NINL: variants seen among roughly 807,000 people sequenced by gnomAD.
NINL encodes the protein ninein like.
Under a neutral mutation model 160.3 loss-of-function variants are expected in NINL, and 153 were observed. That is an observed-to-expected ratio of 0.95 (90% confidence interval 0.84 to 1.09). The LOEUF is 1.09. Ranked by LOEUF, NINL falls within the 50% of genes least tolerant of loss-of-function variation. NINL has a pLI of 0.00. For missense variants in NINL, 1,829 were observed against 1,764.0 expected, an observed-to-expected ratio of 1.04 and a Z score of -0.66; for synonymous variants, 800 against 734.8, an observed-to-expected ratio of 1.09 and a Z score of -1.43.
Position 25,489,279 on chromosome 20 carries a change from C to G in NINL, c.1642G>C (p.Ala548Pro). 1 of 1,614,120 alleles carries G rather than the reference C, an allele frequency of 6.2e-7. No individual in the cohort carries two copies. ...AGCTCGTATTCCTTCAGGACTGCTG[C>G]GAACCGCTCCTCCTGGGCCAGGAGC... Reference protein sequence around the residue: ...AELLAQEERFAAVLKEYELKC... With the variant: ...AELLAQEERFPAVLKEYELKC... Residue 548 changes from alanine (A) to proline (P), a missense_variant, in exon 13 of 24, where the codon GCA becomes CCA. Ala to Pro is a conservative substitution (Grantham distance 27). Transcript: ENST00000278886.
At chr20:25,540,541 G>A (rs1414532261) in intron 1 of NINL, among the ~76,000 whole-genome samples, 1 of 152,180 alleles carries the variant, frequency 6.6e-6, no homozygotes, top group Non-Finnish European at 1.5e-5. Context: ...TGACCACTCG[G>A]AGGCAGCCTA....
chr20:25,466,603 C>G (rs537197025), intron 19 of NINL, among the ~76,000 whole-genome samples: 1 of 151,926 alleles, frequency 6.6e-6, no homozygotes, highest in South Asian at 2.1e-4. Context: ...AGTTCGAGAC[C>G]GGCCTGGCCA....
chr20:25,585,204 T>G (rs1464392515), intron 1 of NINL, among the ~76,000 whole-genome samples: 1 of 151,664 alleles, frequency 6.6e-6, no homozygotes, highest in Non-Finnish European at 1.5e-5. Context: ...GGAAACCGGG[T>G]TTTCAAGCGT....
At position 25,498,225 on chromosome 20, in the gene NINL, TC is replaced by T. The variant is rs2063798048; in HGVS notation, c.1153del (p.Glu385SerfsTer2). ...GGCCTCTTACTGCTGGTAGCTCAGC[TC>T]CTGGTGGTAGCAGGCCAGGGCTGCC... ...QQAALACYHQ[E>X]LSYQQGQVEQ... On this transcript the variant is annotated frameshift_variant, in exon 9 of 24. Transcript: ENST00000278886. LOFTEE classifies it high-confidence loss of function. 1 of 1,612,896 alleles carries T rather than the reference TC, an allele frequency of 6.2e-7. No individual in the cohort carries two copies. Among genetic ancestry groups the T allele is most frequent in the South Asian group, 1.1e-5 (1 of 91,012 alleles).
rs77845770 is a variant in NINL at position 25,491,001 on chromosome 20, T to C, written c.1485+350A>G. Among the ~76,000 whole-genome samples the C allele has an allele frequency of 3.0e-3, 460 of 152,048 alleles. 1 individual carries two copies. The highest frequency in any genetic ancestry group is 5.0e-3 in the Non-Finnish European group (337 of 67,842). ...AGCCAGCCTCGGGCAGGCTGGGCTT[T>C]AGGTTCTGGTCTCTTTGCTGCCCCC... On this transcript the variant is annotated intron_variant, in intron 11 of 23. Coordinates refer to ENST00000278886, the MANE Select transcript of NINL (RefSeq NM_025176.6).
At chr20:25,518,865 A>T (rs1054003639) in intron 2 of NINL, among the ~76,000 whole-genome samples, 3 of 151,942 alleles carry the variant, frequency 2.0e-5, no homozygotes, top group Non-Finnish European at 2.9e-5. Flanking sequence ...TGGGAGGCCG[A>T]GGCAGGTGGA....
chr20:25,545,586 G>A (rs2147073444), intron 1 of NINL, among the ~76,000 whole-genome samples: 1 of 152,144 alleles, frequency 6.6e-6, no homozygotes, highest in East Asian at 1.9e-4. Flanking sequence ...GCCCCATTAT[G>A]CCCTCCTCCC....
intron 1 of NINL, among the ~76,000 whole-genome samples, chr20:25,585,073 C>T (rs1017373842): frequency 1.3e-5 from 2 of 152,176 alleles, no homozygotes. Flanking sequence ...GGGCAGGCGG[C>T]GGGCACCGCG....
At chr20:25,561,170 G>A (rs1314898854) in intron 1 of NINL, among the ~76,000 whole-genome samples, 1 of 152,154 alleles carries the variant, frequency 6.6e-6, no homozygotes, top group Non-Finnish European at 1.5e-5. Flanking sequence ...CCGAGTGCCT[G>A]CGATTGCAGG....
chr20:25,537,152 C>T (rs1457605175), intron 1 of NINL, among the ~76,000 whole-genome samples: 13 of 152,260 alleles, frequency 8.5e-5, no homozygotes, highest in South Asian at 4.1e-4. Flanking sequence ...GCGTTGATCA[C>T]GGCTCACTGC....
chr20:25,492,835 G>C (rs518336), intron 10 of NINL, among the ~76,000 whole-genome samples: 4,222 of 152,256 alleles, frequency 0.028, 182 homozygotes, highest in African/African-American at 0.09. Context: ...CCGGGAAAGT[G>C]AGATTTCTGG....
In NINL at chr20:25,526,502, C is replaced by A. The variant is rs151331847; in HGVS notation, c.86G>T (p.Arg29Leu). ...CDTTGTGFLD[R>L]QELTQLCLKL... Reference sequence around the variant, plus strand: ...AAGGCAGAGCTGGGTCAGCTCCTGGCGGTCCAGAAAGCCAGTCCCCGTGGT... The same window carrying A: ...AAGGCAGAGCTGGGTCAGCTCCTGGAGGTCCAGAAAGCCAGTCCCCGTGGT... The change falls in exon 2 of 24, where the codon CGC (arginine) becomes CTC (leucine). Residue 29 changes from arginine to leucine, a missense_variant. Transcript: ENST00000278886. 6.2e-6 allele frequency: 10 copies of A among 1,614,178 alleles called. No individual in the cohort carries two copies. Among genetic ancestry groups the A allele is most frequent in the South Asian group, 4.4e-5 (4 of 91,088 alleles).
At chr20:25,578,133 C>T (rs2065137149) in intron 1 of NINL, among the ~76,000 whole-genome samples, 1 of 146,112 alleles carries the variant, frequency 6.8e-6, no homozygotes. Flanking sequence ...TTTTTTTAGA[C>T]GGAATCTCAC....
Position 25,462,457 on chromosome 20 carries a change from T to G in NINL, c.3508A>C (p.Asn1170His). The change falls in exon 20 of 24, where the codon AAC (asparagine) becomes CAC (histidine). Residue 1170 changes from asparagine (N) to histidine (H), a missense_variant. By Grantham distance (68) the Asn-to-His change is moderately conservative (BLOSUM62 1). Coordinates refer to ENST00000278886, the MANE Select transcript of NINL (RefSeq NM_025176.6). The stretch of plus-strand genomic sequence containing the variant: ...TGAATGGTCACACGATGCTCCTCGT[T>G]TTGGGCCTGGTGGGTAGAAGCCTCC... ...GQEASTHQAQ[N>H]EEHRVTIQML... 2 of 1,614,196 alleles carry G rather than the reference T, an allele frequency of 1.2e-6. No homozygotes were observed. The highest frequency in any genetic ancestry group is 1.7e-6 in the Non-Finnish European group (2 of 1,180,032).
At chr20:25,522,428 C>T (rs1378791115) in intron 2 of NINL, among the ~76,000 whole-genome samples, 1 of 152,140 alleles carries the variant, frequency 6.6e-6, no homozygotes, top group African/African-American at 2.4e-5. Flanking sequence ...GATTATTTAA[C>T]CAATCCCATA....
chr20:25,574,655 G>C (rs6050687), intron 1 of NINL, among the ~76,000 whole-genome samples: 1 of 152,160 alleles, frequency 6.6e-6, no homozygotes, highest in Non-Finnish European at 1.5e-5. Context: ...CTAAATATCA[G>C]GTTTCTGTTC....
intron 1 of NINL, among the ~76,000 whole-genome samples, chr20:25,532,633 C>T (rs571925510): frequency 7.2e-5 from 11 of 152,348 alleles, no homozygotes; most frequent in African/African-American, 2.2e-4. Context: ...CTAACTCCTG[C>T]GTCTCAGACT....
intron 5 of NINL, among the ~76,000 whole-genome samples, chr20:25,507,458 A>T (rs1169862346): frequency 2.6e-5 from 4 of 152,218 alleles, no homozygotes; most frequent in Non-Finnish European, 4.4e-5. Context: ...GAAAGTGTCC[A>T]TGGTGAGTTA....
At chr20:25,530,457 C>G (rs997677647) in intron 1 of NINL, among the ~76,000 whole-genome samples, 2 of 152,098 alleles carry the variant, frequency 1.3e-5, no homozygotes, top group African/African-American at 2.4e-5. Flanking sequence ...AGGGTTTTCT[C>G]TTACATCACC....
Sources: allele counts gnomAD v4.1 joint callset (sites outside exome capture counted in the v4.1 genomes callset), GRCh38; gene constraint gnomAD v4.1.1; transcripts MANE v1.5; gene names NCBI Gene and HGNC (gene_info 2026-07-23, HGNC 2026-07-21).